Variants in CTNNA2 observed in about 807,000 individuals in gnomAD.
CTNNA2 encodes the protein catenin alpha 2.
CTNNA2 carries 42 observed loss-of-function variants against 101.0 expected under a neutral mutation model. The ratio of observed to expected loss-of-function variants is 0.42; its 90% CI spans 0.32 to 0.54. CTNNA2 has a LOEUF of 0.54. CTNNA2 is among the 20% of genes least tolerant of loss of function. CTNNA2 has a pLI of 0.14. For missense variants in CTNNA2, 871 were observed against 1,223.1 expected, an observed-to-expected ratio of 0.71 and a Z score of 4.29; for synonymous variants, 450 against 456.4, an observed-to-expected ratio of 0.99 and a Z score of 0.18.
intron 2 of CTNNA2, among the ~76,000 whole-genome samples, chr2:79,710,203 TA>T (rs969723062): frequency 6.8e-4 from 100 of 147,282 alleles, no homozygotes; most frequent in African/African-American, 1.7e-3. Flanking sequence ...AAACCATTAT[TA>T]AAAAAAAAAA....
At position 79,659,088 on chromosome 2, in the gene CTNNA2, T is replaced by G. The variant is rs912111648; in HGVS notation, c.102+7430T>G. 4.5e-4 allele frequency among the ~76,000 whole-genome samples: 68 copies of G among 152,022 alleles called. 1 individual carries two copies. The highest frequency in any genetic ancestry group is 3.3e-4 in the Admixed American group (5 of 15,258). ...GAGTCACAACAATAGTTCATTACTT[T>G]GGTGCAATTAAAATCAGGGAAACAG... is the stretch of plus-strand genomic sequence containing the variant. On this transcript the variant is annotated intron_variant, in intron 2 of 18. Coordinates refer to ENST00000402739, the MANE Select transcript of CTNNA2 (RefSeq NM_001282597.3).
At chr2:80,267,160 C>T (rs937002719) in intron 7 of CTNNA2, among the ~76,000 whole-genome samples, 20 of 152,214 alleles carry the variant, frequency 1.3e-4, no homozygotes, top group African/African-American at 4.1e-4. Flanking sequence ...CTGCTCCTTC[C>T]GATGGCTTCC....
At chr2:79,337,466 G>A (rs1677020049) in intron 3 of CTNNA2, among the ~76,000 whole-genome samples, 1 of 152,132 alleles carries the variant, frequency 6.6e-6, no homozygotes, top group African/African-American at 2.4e-5. Context: ...AGCATTACTA[G>A]CATTTTTGCT....
At chr2:80,115,796 C>T (rs1270178952) in intron 7 of CTNNA2, among the ~76,000 whole-genome samples, 1 of 152,034 alleles carries the variant, frequency 6.6e-6, no homozygotes, top group Non-Finnish European at 1.5e-5. Context: ...ATTAAGGAGA[C>T]ATGAAAAAAG....
At chr2:79,275,620 A>G (rs973426575) in intron 2 of CTNNA2, among the ~76,000 whole-genome samples, 1 of 152,134 alleles carries the variant, frequency 6.6e-6, no homozygotes, top group Non-Finnish European at 1.5e-5. Context: ...TATTATTTTA[A>G]TATTATGATG....
At chr2:79,727,508 C>G (rs1009711167) in intron 2 of CTNNA2, among the ~76,000 whole-genome samples, 4 of 151,998 alleles carry the variant, frequency 2.6e-5, no homozygotes, top group African/African-American at 9.7e-5. Context: ...TCAATACTAT[C>G]CCATTTATTT....
intron 2 of CTNNA2, among the ~76,000 whole-genome samples, chr2:79,204,308 C>G (rs1177641681): frequency 6.6e-6 from 1 of 152,184 alleles, no homozygotes; most frequent in Non-Finnish European, 1.5e-5. Flanking sequence ...CATCGGACAC[C>G]TATTTCTTTT....
chr2:79,731,352 C>G (rs759067201), intron 2 of CTNNA2, among the ~76,000 whole-genome samples: 1 of 152,052 alleles, frequency 6.6e-6, no homozygotes, highest in Non-Finnish European at 1.5e-5. Context: ...CTCGAGTCAT[C>G]TACAGTTTTA....
At chr2:79,889,183 C>G (rs1208820692) in intron 6 of CTNNA2, among the ~76,000 whole-genome samples, 1 of 152,104 alleles carries the variant, frequency 6.6e-6, no homozygotes, top group Non-Finnish European at 1.5e-5. Flanking sequence ...AAACCACACA[C>G]AAACACACAC....
chr2:79,541,847 G>A (rs1558714003), intron 1 of CTNNA2, among the ~76,000 whole-genome samples: 1 of 151,870 alleles, frequency 6.6e-6, no homozygotes, highest in Admixed American at 6.6e-5. Flanking sequence ...GGATGGTGTC[G>A]ATCTCTTGAC....
chr2:79,247,285 T>G, intron 2 of CTNNA2, among the ~76,000 whole-genome samples: 1 of 152,250 alleles, frequency 6.6e-6, no homozygotes, highest in East Asian at 1.9e-4. Context: ...TTAATTTGAA[T>G]AATTTTAGAA....
intron 2 of CTNNA2, among the ~76,000 whole-genome samples, chr2:79,260,614 T>C: frequency 6.6e-6 from 1 of 152,156 alleles, no homozygotes; most frequent in Non-Finnish European, 1.5e-5. Flanking sequence ...AACATTACAT[T>C]CGTTATCCCC....
chr2:80,078,885 G>A (rs1036173860), intron 7 of CTNNA2, among the ~76,000 whole-genome samples: 2 of 152,080 alleles, frequency 1.3e-5, no homozygotes, highest in African/African-American at 2.4e-5. Flanking sequence ...CAGGCTAGGG[G>A]GATGACATGG....
chr2:80,501,975 T>C (rs964317156), intron 9 of CTNNA2, among the ~76,000 whole-genome samples: 1 of 152,124 alleles, frequency 6.6e-6, no homozygotes, highest in African/African-American at 2.4e-5. Flanking sequence ...TGTAAAACTC[T>C]CCAAGTTTGT....
intron 3 of CTNNA2, among the ~76,000 whole-genome samples, chr2:79,760,238 C>T (rs1031275713): frequency 2.6e-5 from 4 of 151,838 alleles, no homozygotes; most frequent in African/African-American, 9.7e-5. Flanking sequence ...CTCAGAAAGG[C>T]CTTTTCTAAC....
intron 4 of CTNNA2, among the ~76,000 whole-genome samples, chr2:79,482,194 G>A (rs1472361923): frequency 3.9e-5 from 6 of 152,138 alleles, no homozygotes; most frequent in African/African-American, 1.4e-4. Context: ...TAAATGGAAG[G>A]TCATCAGGAA....
chr2:80,647,068 T>C (rs1674176870), intron 18 of CTNNA2, among the ~76,000 whole-genome samples: 1 of 151,728 alleles, frequency 6.6e-6, no homozygotes, highest in Non-Finnish European at 1.5e-5. Flanking sequence ...ATATAGGAGG[T>C]ATACTGAGGA....
chr2:80,391,874 G>A (rs746438886), intron 7 of CTNNA2, among the ~76,000 whole-genome samples: 1 of 152,214 alleles, frequency 6.6e-6, no homozygotes, highest in Non-Finnish European at 1.5e-5. Flanking sequence ...AAGAGTGAGT[G>A]TGTGAGTTTA....
At chr2:80,233,761 C>A (rs1709389474) in intron 7 of CTNNA2, among the ~76,000 whole-genome samples, 1 of 152,104 alleles carries the variant, frequency 6.6e-6, no homozygotes, top group Non-Finnish European at 1.5e-5. Context: ...TTAGGACACC[C>A]ACTAAGTTAG....
Sources: gnomAD v4.1 joint callset for allele counts (sites outside exome capture counted in the v4.1 genomes callset) on GRCh38, gnomAD v4.1.1 for gene constraint, MANE v1.5 for transcripts, NCBI Gene and HGNC (gene_info 2026-07-23, HGNC 2026-07-21) for gene names.